Variants in MINK1 observed in about 807,000 individuals in gnomAD.
MINK1 encodes the protein misshapen-like kinase 1.
Under a neutral mutation model 178.4 loss-of-function variants are expected in MINK1, and 46 were observed. The ratio of observed to expected loss-of-function variants is 0.26; its 90% CI spans 0.20 to 0.33. The LOEUF (loss-of-function observed/expected upper bound fraction) is 0.33, where lower values mean the gene tolerates loss of function less well. Among genes scored for constraint, MINK1 ranks in the 10% least tolerant of loss-of-function variants. MINK1 has a pLI of 1.00. For synonymous variants in MINK1, 797 were observed against 709.7 expected (o/e 1.12, Z -1.96); for missense variants, 1,366 against 1,814.9 (o/e 0.75, Z 4.49).
At chr17:4,868,861 C>A in intron 1 of MINK1, 2 of 332,600 alleles carry the variant, frequency 6.0e-6, no homozygotes, top group Admixed American at 3.5e-5. Flanking sequence ...GCAGTCCTCC[C>A]ACCTCAGCCT....
chr17:4,885,386 A>G lies in MINK1; in HGVS notation c.509-97A>G. 1 of 1,527,802 alleles carries G rather than the reference A, an allele frequency of 6.5e-7. No individual in the cohort carries two copies. Among genetic ancestry groups the G allele is most frequent in the Non-Finnish European group, 8.9e-7 (1 of 1,121,478 alleles). 94.6% of individuals were successfully genotyped at this position (1,527,802 alleles called of 1,614,324 possible). On this transcript the variant is annotated intron_variant, in intron 6 of 31. Coordinates refer to ENST00000355280, the MANE Select transcript of MINK1 (RefSeq NM_153827.5). The surrounding 1 kb of genome is among the most constrained non-coding windows in gnomAD (Gnocchi z 5.0). The stretch of plus-strand genomic sequence containing the variant: ...GGTGTCTGGGTCGGGCCAGGACCAC[A>G]GCTGGCTCAGGCAAGTCCTGTGTGT...
Position 4,848,455 on chromosome 17 carries a change from G to A in MINK1, c.57+14815G>A, listed in dbSNP as rs536531307. ...GGCTCACTGCAAACTCCGCCTGCCA[G>A]GTTCATGCCATTCTCCTGCCTCAGC... On this transcript the variant is annotated intron_variant, in intron 1 of 31. Transcript: ENST00000355280. Among the ~76,000 whole-genome samples, 7 of 152,332 alleles carry A rather than the reference G, an allele frequency of 4.6e-5. No homozygotes were observed. In the East Asian group the frequency reaches 1.2e-3, roughly 25 times the overall value.
intron 1 of MINK1, among the ~76,000 whole-genome samples, chr17:4,863,490 C>T (rs959843795): frequency 6.6e-6 from 1 of 152,088 alleles, no homozygotes; most frequent in African/African-American, 2.4e-5. Context: ...ATGTCTTAAA[C>T]TGTTGCTGGG....
intron 15 of MINK1, 62 bp downstream of exon 15, chr17:4,891,186 A>ACACACGCACG: frequency 8.3e-7 from 1 of 1,208,406 alleles, no homozygotes; most frequent in African/African-American, 1.7e-5. Flanking sequence ...GAGCACAGGT[A>ACACACGCACG]CACACACACG....
chr17:4,840,394 A>G (rs1467339808), intron 1 of MINK1, among the ~76,000 whole-genome samples: 1 of 152,100 alleles, frequency 6.6e-6, no homozygotes, highest in Admixed American at 6.5e-5. Context: ...GGGAAAAAAA[A>G]TGGTTTATTT....
chr17:4,874,993 C>T, intron 1 of MINK1: 2 of 512,706 alleles, frequency 3.9e-6, no homozygotes, highest in South Asian at 2.8e-5. Flanking sequence ...TATTTTCCCT[C>T]TTAGATTAGG....
chr17:4,893,447 T>G lies in MINK1; in HGVS notation c.2414T>G (p.Leu805Arg). The change falls in exon 21 of 32, where the codon CTG becomes CGG. Residue 805 changes from leucine (L) to arginine (R), a missense_variant. Transcript: ENST00000355280. ...TCCTCCCTGCAGGACTTTGTGTTGCTGAAAGAGCGGACTCTGGACGAGGCC... is the reference window on the plus strand; with the variant it reads ...TCCTCCCTGCAGGACTTTGTGTTGCGGAAAGAGCGGACTCTGGACGAGGCC... ...RPGRPADFVL[L>R]KERTLDEAPR... 6.3e-7 allele frequency: 1 copy of G among 1,594,342 alleles called. No individual in the cohort carries two copies. Among genetic ancestry groups the G allele is most frequent in the Non-Finnish European group, 8.6e-7 (1 of 1,164,308 alleles).
In MINK1 at chr17:4,892,485, A is replaced by G. The variant is rs779711907; in HGVS notation, c.2171A>G (p.Gln724Arg). 5 of 1,562,594 alleles carry G rather than the reference A, an allele frequency of 3.2e-6. No individual in the cohort carries two copies. In the South Asian group the frequency reaches 3.5e-5, roughly 11 times the overall value. ...CCAAAGCCTCCAGGGCCCCCTGCTC[A>G]GCCCCCTGGCCCGCCCAACGCCTCT... The part of the protein sequence containing the change: ...GTPKPPGPPA[Q>R]PPGPPNASSN... The change falls in exon 18 of 32, where the codon CAG (glutamine) becomes CGG (arginine). Residue 724 changes from glutamine (Q) to arginine (R), a missense_variant. This residue lies in a region of MINK1 where 709 missense variants were observed against 692.3 expected (regional missense o/e 1.02). Transcript: ENST00000355280.
chr17:4,894,364 A>G lies in MINK1; in HGVS notation c.2808+53A>G. ...GGAGAGAAGAGCCCTGGCGATGGGC[A>G]GGAGGTCCCGGTGCTGGGTAACGGC... On this transcript the variant is annotated intron_variant, in intron 23 of 31. Transcript: ENST00000355280. This position sits in a 1 kb window ranked among gnomAD's most constrained non-coding sequence, Gnocchi z 4.1. The G allele has an allele frequency of 6.3e-7, 1 of 1,585,012 alleles. No homozygotes were observed.
At chr17:4,884,813 T>C (rs1238489274) in intron 5 of MINK1, 99 bp from the exon 6 acceptor site, 2 of 1,055,586 alleles carry the variant, frequency 1.9e-6, no homozygotes, top group Admixed American at 4.0e-5. Flanking sequence ...CCCAGCCCTG[T>C]CCAGACTGAC....
At position 4,833,599 on chromosome 17, in the gene MINK1, C is replaced by G. The variant is rs1908808055; in HGVS notation, c.16C>G (p.Pro6Ala). 1.3e-6 allele frequency: 2 copies of G among 1,500,424 alleles called. No individual in the cohort carries two copies. The highest frequency in any genetic ancestry group is 1.8e-6 in the Non-Finnish European group (2 of 1,131,278). The allele number at this position is 1,500,424 out of a possible 1,614,324, so 92.9% of individuals were successfully genotyped here. The part of the protein sequence containing the change: MGDPA[P>A]ARSLDDIDLS... ...CACGGAGGCCATGGGCGACCCAGCCCCCGCCCGCAGCCTGGACGACATCGA... is the reference window on the plus strand; with the variant it reads ...CACGGAGGCCATGGGCGACCCAGCCGCCGCCCGCAGCCTGGACGACATCGA... The change falls in exon 1 of 32, where the codon CCC becomes GCC. Residue 6 changes from proline (P) to alanine (A), a missense_variant. Physicochemically the swap from Pro to Ala is conservative, Grantham distance 27 (BLOSUM62 -1). Around this residue, in one of 14 missense-constraint regions of MINK1, gnomAD observed 22 missense variants for 21.7 expected, o/e 1.01. Coordinates refer to ENST00000355280, the MANE Select transcript of MINK1 (RefSeq NM_153827.5). The surrounding 1 kb of genome is among the most constrained non-coding windows in gnomAD (Gnocchi z 4.8).
rs146407017 is a variant in MINK1 at position 4,893,618 on chromosome 17, C to A, written c.2564+21C>A. The stretch of plus-strand genomic sequence containing the variant: ...GGCCGGTACGGCATCGGGAGTGGGG[C>A]CCTCCCACTCCAAGGCACAGGGAGG... On this transcript the variant is annotated intron_variant, in intron 21 of 31. Transcript: ENST00000355280. The A allele has an allele frequency of 1.5e-4, 229 of 1,513,674 alleles. 1 individual carries two copies. In the East Asian group the frequency reaches 5.0e-3, roughly 33 times the overall value. The allele number at this position is 1,513,674 out of a possible 1,614,324, so 93.8% of individuals were successfully genotyped here.
At chr17:4,881,959 A>G (rs1204724147) in intron 4 of MINK1, among the ~76,000 whole-genome samples, 3 of 152,268 alleles carry the variant, frequency 2.0e-5, no homozygotes, top group African/African-American at 7.2e-5. Context: ...TCCCCTCCCA[A>G]CAGCCATTCA....
chr17:4,889,490 T>C (rs1362154041), intron 12 of MINK1, among the ~76,000 whole-genome samples, 157 bp from the exon 13 acceptor site: 7 of 152,110 alleles, frequency 4.6e-5, no homozygotes, highest in Admixed American at 1.3e-4. Context: ...CCGCGGGCCC[T>C]TGGGTGGGGA....
intron 1 of MINK1, chr17:4,857,139 A>G: frequency 3.9e-6 from 1 of 258,068 alleles, no homozygotes; most frequent in Non-Finnish European, 7.7e-6. Context: ...GTCATCATTC[A>G]GGGAGTTGGC....
chr17:4,877,669 T>A (rs1041627431), intron 1 of MINK1, among the ~76,000 whole-genome samples: 1 of 151,820 alleles, frequency 6.6e-6, no homozygotes, highest in African/African-American at 2.4e-5. Context: ...ACTTAAAATG[T>A]GAGTACCAAC....
chr17:4,834,127 T>G (rs948789581), intron 1 of MINK1, among the ~76,000 whole-genome samples: 12 of 152,234 alleles, frequency 7.9e-5, no homozygotes, highest in African/African-American at 2.9e-4. Flanking sequence ...CGCCCACCCT[T>G]GAATTGCATC....
chr17:4,869,465 C>T (rs1019591094), intron 1 of MINK1, among the ~76,000 whole-genome samples: 3 of 151,194 alleles, frequency 2.0e-5, no homozygotes, highest in Non-Finnish European at 2.9e-5. Flanking sequence ...TATAGAGACA[C>T]GGGGTCTCGC....
At chr17:4,867,314 C>T (rs1282600213) in intron 1 of MINK1, among the ~76,000 whole-genome samples, 4 of 148,968 alleles carry the variant, frequency 2.7e-5, no homozygotes, top group Non-Finnish European at 5.9e-5. Flanking sequence ...AGGTATGAGC[C>T]ACCATGCCCT....
Sources: allele counts gnomAD v4.1 joint callset (sites outside exome capture counted in the v4.1 genomes callset), GRCh38; gene constraint gnomAD v4.1.1; regional missense constraint gnomAD v4.1.1; non-coding constraint Gnocchi (gnomAD v3.1); transcripts MANE v1.5; gene names NCBI Gene and HGNC (gene_info 2026-07-23, HGNC 2026-07-21).